The following MPRIP variants were observed in gnomAD, a reference collection of about 807,000 sequenced individuals.
The protein encoded by MPRIP is myosin phosphatase Rho interacting protein, also known as myosin phosphatase Rho-interacting protein.
Under a neutral mutation model 234.9 loss-of-function variants are expected in MPRIP, and 59 were observed. That is an observed-to-expected ratio of 0.25 (90% CI 0.20 to 0.31). The LOEUF (loss-of-function observed/expected upper bound fraction) is 0.31, where lower values mean the gene tolerates loss of function less well. Ranked by LOEUF, MPRIP falls within the 10% of genes least tolerant of loss-of-function variation. The probability of loss-of-function intolerance (pLI) is 1.00; values close to 1 mark genes in which losing one functional copy is unlikely to be tolerated. For synonymous variants in MPRIP, 1,144 were observed against 1,263.9 expected (o/e 0.91, Z 2.01); for missense variants, 2,436 against 3,071.0 (o/e 0.79, Z 4.89).
At chr17:17,082,698 A>AACC (rs1464940417) in intron 3 of MPRIP, among the ~76,000 whole-genome samples, 5 of 152,250 alleles carry the variant, frequency 3.3e-5, no homozygotes, top group African/African-American at 1.2e-4. Flanking sequence ...ATTGTTGCAC[A>AACC]ACCACCACCA....
At chr17:17,118,299 C>T (rs1230583483) in intron 3 of MPRIP, among the ~76,000 whole-genome samples, 1 of 152,214 alleles carries the variant, frequency 6.6e-6, no homozygotes, top group Non-Finnish European at 1.5e-5. Context: ...CAAAAGCCAT[C>T]GGGTGTAGAA....
At chr17:17,109,747 G>T (rs904837578) in intron 3 of MPRIP, among the ~76,000 whole-genome samples, 54 of 151,014 alleles carry the variant, frequency 3.6e-4, no homozygotes, top group African/African-American at 1.3e-3. Flanking sequence ...TGGAGGAAAT[G>T]ATCAATTCTA....
rs1352735354 is a variant in MPRIP, at chr17:17,146,042, C to T, written c.1510C>T (p.Leu504=). The stretch of plus-strand genomic sequence containing the variant: ...TTTTTTCTCCCTTTCTCAGCCCGAC[C>T]TGCTGAATTTCAAGAAAGGCTGGCT... The part of the protein sequence containing the change: ...RSTEPSVTPD[L]LNFKKGWLTK... Residue 504 remains leucine, a synonymous_variant, in exon 10 of 24, where the codon CTG becomes TTG. Coordinates refer to ENST00000651222, the MANE Select transcript of MPRIP (RefSeq NM_001364716.4). 1.9e-6 allele frequency: 3 copies of T among 1,613,938 alleles called. No homozygotes were observed. The highest frequency in any genetic ancestry group is 2.2e-5 in the East Asian group (1 of 44,892).
At chr17:17,102,191 C>T (rs955389524) in intron 3 of MPRIP, among the ~76,000 whole-genome samples, 3 of 152,164 alleles carry the variant, frequency 2.0e-5, no homozygotes, top group Admixed American at 2.0e-4. Context: ...CCCAGCCTCC[C>T]TTCCTGTCTT....
Position 17,177,132 on chromosome 17 carries a change from T to G in MPRIP, c.6958-118T>G. 3 of 1,030,376 alleles carry G rather than the reference T, an allele frequency of 2.9e-6. No individual in the cohort carries two copies. The South Asian group carries it at 4.4e-5, about 15-fold the overall frequency. 63.8% of individuals were successfully genotyped at this position (1,030,376 alleles called of 1,614,324 possible). A position where few individuals can be genotyped will look rare whatever the true frequency, so the allele number is the denominator to read the frequency against. ...TCTAGAAGACAGAGGTGAACAAGCC[T>G]CCTCTTCCGCCCACAGCAAGCCTCC... On this transcript the variant is annotated intron_variant, in intron 21 of 23. Transcript: ENST00000651222.
intron 1 of MPRIP, among the ~76,000 whole-genome samples, chr17:17,043,476 T>G (rs2088246454): frequency 6.6e-6 from 1 of 152,186 alleles, no homozygotes; most frequent in African/African-American, 2.4e-5. Context: ...GGTCTTGTTC[T>G]TGAACTTAGT....
chr17:17,184,933 T>C lies in MPRIP; in HGVS notation c.*39T>C, dbSNP rs1314596088. ...AAGTTGAGCACGCGCCTTCCCCAGC[T>C]TGCAGCAGCACACCCCAAGCGCTGC... On this transcript the variant is annotated 3_prime_UTR_variant, in exon 24 of 24. Transcript: ENST00000651222. The C allele has an allele frequency of 7.1e-7, 1 of 1,414,724 alleles. No homozygotes were observed. Among genetic ancestry groups the C allele is most frequent in the South Asian group, 1.2e-5 (1 of 86,904 alleles). The allele number at this position is 1,414,724 out of a possible 1,614,324, so 87.6% of individuals were successfully genotyped here.
chr17:17,067,867 A>T (rs2089087579), intron 1 of MPRIP, among the ~76,000 whole-genome samples: 1 of 144,238 alleles, frequency 6.9e-6, no homozygotes, highest in Non-Finnish European at 1.5e-5. Context: ...AGAAATCTCC[A>T]GTAAAACCAT....
At chr17:17,140,678 C>T (rs1240065540) in intron 7 of MPRIP, among the ~76,000 whole-genome samples, 1 of 152,216 alleles carries the variant, frequency 6.6e-6, no homozygotes, top group Non-Finnish European at 1.5e-5. Flanking sequence ...CTAGGCAAGC[C>T]TATCTGAACC....
intron 1 of MPRIP, among the ~76,000 whole-genome samples, chr17:17,055,871 T>C (rs2088679991): frequency 6.6e-6 from 1 of 152,174 alleles, no homozygotes; most frequent in African/African-American, 2.4e-5. Flanking sequence ...CTGACAGGAA[T>C]TGCCATGTGC....
At chr17:17,122,304 G>A (rs1322841792) in intron 3 of MPRIP, among the ~76,000 whole-genome samples, 1 of 152,106 alleles carries the variant, frequency 6.6e-6, no homozygotes, top group Non-Finnish European at 1.5e-5. Context: ...CTCCACAATC[G>A]AAGGGAGCTG....
intron 18 of MPRIP, among the ~76,000 whole-genome samples, chr17:17,173,635 G>C (rs2046192321): frequency 6.6e-6 from 1 of 152,256 alleles, no homozygotes; most frequent in Admixed American, 6.5e-5. Flanking sequence ...GAGAGTTCTA[G>C]AAATGGGGGT....
At chr17:17,135,596 G>A (rs1489449387) in intron 5 of MPRIP, among the ~76,000 whole-genome samples, 2 of 152,232 alleles carry the variant, frequency 1.3e-5, no homozygotes, top group East Asian at 3.9e-4. Context: ...TCTGGTGAGG[G>A]CCCCCTTGCT....
intron 1 of MPRIP, among the ~76,000 whole-genome samples, chr17:17,071,967 C>T (rs1315706269): frequency 2.6e-5 from 4 of 152,298 alleles, no homozygotes; most frequent in South Asian, 4.1e-4. Context: ...AGCCTACCCA[C>T]GCAGCATTTC....
chr17:17,046,628 G>C (rs540672855), intron 1 of MPRIP, among the ~76,000 whole-genome samples: 1 of 152,178 alleles, frequency 6.6e-6, no homozygotes, highest in South Asian at 2.1e-4. Context: ...TTTGTGGATT[G>C]CCTGTTCGTA....
Position 17,150,124 on chromosome 17 carries a change from A to G in MPRIP, c.1630-20A>G, listed in dbSNP as rs377407141. ...TTCTACTTCCTAAAAATCTCAAGAC[A>G]TTCTCACTTCCCTCGGCAGGCAGCC... is the stretch of plus-strand genomic sequence containing the variant. On this transcript the variant is annotated intron_variant, in intron 11 of 23. Coordinates refer to ENST00000651222, the MANE Select transcript of MPRIP (RefSeq NM_001364716.4). The G allele has an allele frequency of 3.1e-6, 5 of 1,601,378 alleles. No individual in the cohort carries two copies. The highest frequency in any genetic ancestry group is 4.3e-6 in the Non-Finnish European group (5 of 1,169,454).
intron 15 of MPRIP, among the ~76,000 whole-genome samples, chr17:17,163,632 C>T (rs919168606): frequency 1.3e-5 from 2 of 151,976 alleles, no homozygotes; most frequent in African/African-American, 4.8e-5. Context: ...CTTCCTTCTC[C>T]TCCTGTCTTA....
At chr17:17,142,373 CAGCACCACAG>C (rs2045345486) in intron 7 of MPRIP, 2 of 427,022 alleles carry the variant, frequency 4.7e-6, no homozygotes, top group Non-Finnish European at 8.6e-6. Context: ...CCGAGTGGGT[CAGCACCACAG>C]AGCCTGCAGG....
chr17:17,179,870 T>G, intron 22 of MPRIP, 133 bp from the exon 23 acceptor site: 1 of 706,356 alleles, frequency 1.4e-6, no homozygotes, highest in Non-Finnish European at 2.5e-6. Context: ...TGAATTCCCT[T>G]AGAGTTGTTT....
Sources: allele counts gnomAD v4.1 joint callset (sites outside exome capture counted in the v4.1 genomes callset), GRCh38; gene constraint gnomAD v4.1.1; transcripts MANE v1.5; gene names NCBI Gene and HGNC (gene_info 2026-07-23, HGNC 2026-07-21).